The following TENM1 variants were observed in gnomAD, a reference collection of about 807,000 sequenced individuals.
The protein encoded by TENM1 is teneurin-1.
Under a neutral mutation model 174.8 loss-of-function variants are expected in TENM1, and 35 were observed. The ratio of observed to expected loss-of-function variants is 0.20; its 90% CI spans 0.15 to 0.27. TENM1 has a LOEUF of 0.27. Ranked by LOEUF, TENM1 falls within the 10% of genes least tolerant of loss-of-function variation. TENM1 has a pLI of 1.00. For synonymous variants in TENM1, 781 were observed against 798.7 expected (o/e 0.98, Z 0.37); for missense variants, 1,633 against 2,130.1 (o/e 0.77, Z 4.59).
At chrX:124,853,256 A>G in intron 3 of TENM1, among the ~76,000 whole-genome samples, 1 of 111,809 alleles carries the variant, frequency 8.9e-6, no homozygotes, top group Non-Finnish European at 1.9e-5. Context: ...CTGTGATTTT[A>G]AATAATGTGA....
chrX:124,988,636 G>A, the TENM1 span, among the ~76,000 whole-genome samples: 1 of 111,032 alleles, frequency 9.0e-6, no homozygotes, highest in African/African-American at 3.3e-5. Context: ...ATAAATATAG[G>A]AAAAATCATT....
exon 25 of TENM1, chrX:124,420,428 T>C (rs868408684): frequency 8.2e-6 from 10 of 1,212,217 alleles, no homozygotes; most frequent in Admixed American, 2.2e-5. Flanking sequence ...CAGGACTCCA[T>C]TGCTGCTTAT....
chrX:124,955,422 A>ACTGTCT (rs2058556656), intron 1 of TENM1, among the ~76,000 whole-genome samples: 1 of 8 alleles, frequency 0.12, no homozygotes, highest in Non-Finnish European at 0.2. Context: ...GTTACTGTCT[A>ACTGTCT]TTATTTGACA....
chrX:124,948,324 A>G (rs1928008467), intron 1 of TENM1, among the ~76,000 whole-genome samples: 2 of 111,959 alleles, frequency 1.8e-5, no homozygotes, highest in South Asian at 7.5e-4. Context: ...ATCAGGATGT[A>G]TTAGAGGGAG....
At chrX:125,102,839 T>C in the TENM1 span, among the ~76,000 whole-genome samples, 2 of 112,174 alleles carry the variant, frequency 1.8e-5, no homozygotes, top group Non-Finnish European at 3.8e-5. Context: ...TCTTATTACA[T>C]CTTATTAAAT....
chrX:124,789,756 C>A (rs2055135758), intron 3 of TENM1, among the ~76,000 whole-genome samples: 1 of 111,878 alleles, frequency 8.9e-6, no homozygotes, highest in South Asian at 3.8e-4. Flanking sequence ...AGCCAGTCAA[C>A]AAGTCTCTAG....
At chrX:124,536,939 G>A (rs915549196) in intron 15 of TENM1, among the ~76,000 whole-genome samples, 2 of 110,878 alleles carry the variant, frequency 1.8e-5, no homozygotes, top group African/African-American at 6.6e-5. Context: ...TCTGCCTTTC[G>A]ACTAATGGAT....
exon 12 of TENM1, chrX:124,565,517 T>G: frequency 8.3e-7 from 1 of 1,210,117 alleles, no homozygotes; most frequent in Non-Finnish European, 1.1e-6. Context: ...GGCAAATTCC[T>G]CTTGAGCAGA....
At chrX:124,416,912 C>T (rs753728700) in intron 25 of TENM1, among the ~76,000 whole-genome samples, 3 of 111,692 alleles carry the variant, frequency 2.7e-5, no homozygotes, top group African/African-American at 9.8e-5. Flanking sequence ...TTTTCACTGT[C>T]CCCCTTCTGT....
At chrX:125,113,404 T>A in the TENM1 span, among the ~76,000 whole-genome samples, 3 of 110,924 alleles carry the variant, frequency 2.7e-5, no homozygotes, top group African/African-American at 9.8e-5. Context: ...TAAAACCCCA[T>A]GAGATACAAT....
At chrX:124,789,736 T>G (rs2055134988) in intron 3 of TENM1, among the ~76,000 whole-genome samples, 1 of 111,745 alleles carries the variant, frequency 8.9e-6, no homozygotes. Context: ...ATTATTAGCA[T>G]TTTGGGGAAA....
intron 4 of TENM1, among the ~76,000 whole-genome samples, chrX:124,724,582 G>T (rs760908606): frequency 2.6e-4 from 29 of 111,561 alleles, no homozygotes; most frequent in African/African-American, 8.8e-4. Context: ...GATTGCTTGA[G>T]TTCAGGAGTT....
At chrX:124,600,018 A>G (rs965999197) in intron 11 of TENM1, among the ~76,000 whole-genome samples, 14 of 110,041 alleles carry the variant, frequency 1.3e-4, no homozygotes, top group African/African-American at 4.3e-4. Flanking sequence ...ATTAGTATGT[A>G]TATATATATG....
At chrX:124,416,966 T>C (rs1216945401) in intron 25 of TENM1, among the ~76,000 whole-genome samples, 2 of 111,498 alleles carry the variant, frequency 1.8e-5, no homozygotes, top group Non-Finnish European at 3.8e-5. Flanking sequence ...AAGCAGAGAG[T>C]AGCCCTCACC....
At chrX:124,898,598 G>A (rs771024331) in intron 1 of TENM1, among the ~76,000 whole-genome samples, 16 of 109,856 alleles carry the variant, frequency 1.5e-4, no homozygotes, top group East Asian at 8.5e-4. Context: ...CATGGCATTC[G>A]TTGGAAAAGG....
chrX:124,551,360 G>A (rs1266451932), intron 14 of TENM1, among the ~76,000 whole-genome samples: 1 of 111,537 alleles, frequency 9.0e-6, no homozygotes, highest in East Asian at 2.8e-4. Context: ...GTTACTTGGG[G>A]ATTGGTTATG....
Position 124,596,370 on chromosome X carries a change from G to A in TENM1, c.2078-30810C>T, listed in dbSNP as rs759315236. Among the ~76,000 whole-genome samples the A allele has an allele frequency of 1.5e-3, 163 of 111,735 alleles. 4 individuals are homozygous for A. Among genetic ancestry groups the A allele is most frequent in the Non-Finnish European group, 3.6e-4 (19 of 53,135 alleles). The stretch of plus-strand genomic sequence containing the variant: ...CTTCCTTTTGACTTTTCATTCACAC[G>A]AGTTAAACATGGTGCTAACTGGCAG... On this transcript the variant is annotated intron_variant, in intron 11 of 31. Transcript: ENST00000422452.
At chrX:124,429,572 G>A (rs1377733291) in intron 23 of TENM1, among the ~76,000 whole-genome samples, 1 of 111,499 alleles carries the variant, frequency 9.0e-6, no homozygotes, top group African/African-American at 3.3e-5. Flanking sequence ...AAAGCAAGGC[G>A]GGAAGGGTGA....
intron 11 of TENM1, among the ~76,000 whole-genome samples, chrX:124,608,137 C>T (rs193212052): frequency 2.8e-4 from 31 of 111,196 alleles, no homozygotes; most frequent in African/African-American, 9.4e-4. Flanking sequence ...ATAACAGGTG[C>T]GCTGAGATTT....
Sources: allele counts gnomAD v4.1 joint callset (sites outside exome capture counted in the v4.1 genomes callset), GRCh38; gene constraint gnomAD v4.1.1; transcripts MANE v1.5; gene names NCBI Gene and HGNC (gene_info 2026-07-23, HGNC 2026-07-21).